WWC2: variants seen among roughly 807,000 people sequenced by gnomAD.
WWC2 encodes WW and C2 domain containing 2, also known as protein WWC2.
In WWC2, 101 loss-of-function variants were observed where a neutral mutation model predicts 138.5. The ratio of observed to expected loss-of-function variants is 0.73; its 90% CI spans 0.62 to 0.86. WWC2 has a LOEUF of 0.86. WWC2 is among the 40% of genes least tolerant of loss of function. WWC2 has a pLI of 0.00. For synonymous variants in WWC2, 558 were observed against 538.4 expected (o/e 1.04, Z -0.50); for missense variants, 1,420 against 1,419.4 (o/e 1.00, Z -0.01).
chr4:183,177,910 TA>T (rs942176510), intron 1 of WWC2, among the ~76,000 whole-genome samples: 2 of 152,194 alleles, frequency 1.3e-5, no homozygotes, highest in Admixed American at 6.5e-5. Flanking sequence ...GGCCTGTGCT[TA>T]ACTGAATTTC....
At chr4:183,229,109 A>G (rs1285621804) in intron 4 of WWC2, among the ~76,000 whole-genome samples, 1 of 152,070 alleles carries the variant, frequency 6.6e-6, no homozygotes, top group Non-Finnish European at 1.5e-5. Flanking sequence ...GATTCTGATA[A>G]TGTGTTGTTT....
chr4:183,276,465 G>T (rs1045761876), intron 16 of WWC2, among the ~76,000 whole-genome samples: 6 of 150,472 alleles, frequency 4.0e-5, no homozygotes, highest in South Asian at 4.2e-4. Context: ...ATTTTTTGCA[G>T]TTTCCCTGGA....
At chr4:183,132,957 A>C (rs1393613154) in intron 1 of WWC2, among the ~76,000 whole-genome samples, 1 of 145,512 alleles carries the variant, frequency 6.9e-6, no homozygotes, top group Non-Finnish European at 1.5e-5. Flanking sequence ...CCTGTTCCCA[A>C]ATTTAAAATG....
intron 17 of WWC2, among the ~76,000 whole-genome samples, chr4:183,282,257 G>A (rs772762687): frequency 1.2e-4 from 19 of 152,166 alleles, no homozygotes; most frequent in African/African-American, 2.7e-4. Flanking sequence ...CTTCCTTAAC[G>A]TAGGATTCTC....
intron 1 of WWC2, among the ~76,000 whole-genome samples, chr4:183,113,737 G>C (rs1732324884): frequency 6.6e-6 from 1 of 150,878 alleles, no homozygotes; most frequent in African/African-American, 2.4e-5. Context: ...TTAAAAAAGA[G>C]ATCACTACTC....
intron 14 of WWC2, among the ~76,000 whole-genome samples, chr4:183,266,277 T>C (rs1204223549): frequency 6.6e-6 from 1 of 152,250 alleles, no homozygotes. Flanking sequence ...TTGTTACTAC[T>C]GTTGTTTAAG....
chr4:183,220,292 A>G lies in WWC2; in HGVS notation c.522+11267A>G, dbSNP rs144529003. The stretch of plus-strand genomic sequence containing the variant: ...AGCCCAGAGAACCTAGTGAGCTATT[A>G]AATAATTGTAATTAATTTTAAGCTG... On this transcript the variant is annotated intron_variant, in intron 4 of 22. Coordinates refer to ENST00000403733, the MANE Select transcript of WWC2 (RefSeq NM_024949.6). 5.1e-3 allele frequency among the ~76,000 whole-genome samples: 779 copies of G among 152,292 alleles called. 12 individuals carry two copies. The highest frequency in any genetic ancestry group is 0.018 in the African/African-American group (728 of 41,556).
At chr4:183,266,573 C>T (rs1580127363) in intron 14 of WWC2, among the ~76,000 whole-genome samples, 1 of 152,260 alleles carries the variant, frequency 6.6e-6, no homozygotes, top group Admixed American at 6.5e-5. Flanking sequence ...TCTTAGACAC[C>T]ACCATTCACA....
At chr4:183,150,403 G>T (rs1362933003) in intron 1 of WWC2, among the ~76,000 whole-genome samples, 1 of 152,080 alleles carries the variant, frequency 6.6e-6, no homozygotes, top group Admixed American at 6.6e-5. Context: ...GTCTGAGTTA[G>T]ATTTGCATCT....
intron 21 of WWC2, among the ~76,000 whole-genome samples, chr4:183,301,002 T>G (rs1738821616): frequency 6.6e-6 from 1 of 152,208 alleles, no homozygotes; most frequent in Non-Finnish European, 1.5e-5. Context: ...TGGATTTTCT[T>G]ACCTATGCAT....
Position 183,208,067 on chromosome 4 carries a change from A to G in WWC2, c.356A>G (p.His119Arg), listed in dbSNP as rs1039667626. Residue 119 changes from histidine to arginine, a missense_variant, in exon 3 of 23, where the codon CAT becomes CGT. By Grantham distance (29) the His-to-Arg change is conservative (BLOSUM62 0). Transcript: ENST00000403733. ...CTCCGGACACAGAAGGAACTGTACC[A>G]TGTGAAGGAGCAGAGGCTGGCGCTG... ...DALRTQKELYHVKEQRLALAL... is the reference protein window; with the variant it reads ...DALRTQKELYRVKEQRLALAL... The G allele has an allele frequency of 5.0e-6, 8 of 1,613,928 alleles. No homozygotes were observed. The highest frequency in any genetic ancestry group is 2.2e-5 in the South Asian group (2 of 91,084).
intron 1 of WWC2, among the ~76,000 whole-genome samples, chr4:183,099,886 C>G (rs1466602884): frequency 6.6e-6 from 1 of 152,202 alleles, no homozygotes; most frequent in Admixed American, 6.5e-5. Context: ...GCGCGCCAGG[C>G]TAACGGACCC....
intron 20 of WWC2, among the ~76,000 whole-genome samples, chr4:183,286,787 G>C (rs1037536826): frequency 1.3e-5 from 2 of 152,142 alleles, no homozygotes. Flanking sequence ...GGAGTCCATG[G>C]TCTAGAGGAG....
At chr4:183,226,718 AG>A (rs1406441677) in intron 4 of WWC2, among the ~76,000 whole-genome samples, 2 of 152,096 alleles carry the variant, frequency 1.3e-5, no homozygotes, top group African/African-American at 4.8e-5. Context: ...AGAAGAGAAG[AG>A]AGAAAGCACC....
chr4:183,282,612 C>T, intron 17 of WWC2, 96 bp from the exon 18 acceptor site: 1 of 1,226,700 alleles, frequency 8.2e-7, no homozygotes, highest in South Asian at 1.3e-5. Context: ...TTGTGTGAGT[C>T]TGTTTATTTC....
At chr4:183,265,371 A>G (rs924455869) in intron 12 of WWC2, among the ~76,000 whole-genome samples, 2 of 152,220 alleles carry the variant, frequency 1.3e-5, no homozygotes, top group African/African-American at 4.8e-5. Flanking sequence ...GAATATTGGA[A>G]GAATTCACCA....
intron 5 of WWC2, among the ~76,000 whole-genome samples, chr4:183,243,761 G>A (rs1184596341): frequency 2.7e-5 from 4 of 148,896 alleles, no homozygotes; most frequent in African/African-American, 5.1e-5. Context: ...GTGTGTGTGT[G>A]TGTGTGTGTG....
At chr4:183,171,416 G>T (rs1261668340) in intron 1 of WWC2, among the ~76,000 whole-genome samples, 1 of 152,042 alleles carries the variant, frequency 6.6e-6, no homozygotes, top group Admixed American at 6.6e-5. Context: ...GTGTATATTG[G>T]TAATATCTTC....
At chr4:183,168,775 A>C (rs996853740) in intron 1 of WWC2, among the ~76,000 whole-genome samples, 2 of 152,252 alleles carry the variant, frequency 1.3e-5, no homozygotes, top group African/African-American at 2.4e-5. Context: ...ATAGGGTTTC[A>C]AATTATGGCA....
Sources: allele counts gnomAD v4.1 joint callset (sites outside exome capture counted in the v4.1 genomes callset), GRCh38; gene constraint gnomAD v4.1.1; transcripts MANE v1.5; gene names NCBI Gene and HGNC (gene_info 2026-07-23, HGNC 2026-07-21).